BEST1: variants seen among roughly 807,000 people sequenced by gnomAD.
BEST1 encodes the protein bestrophin 1.
Under a neutral mutation model 63.3 loss-of-function variants are expected in BEST1, and 58 were observed. The ratio of observed to expected loss-of-function variants is 0.92; its 90% CI spans 0.74 to 1.14. The LOEUF (loss-of-function observed/expected upper bound fraction) is 1.14, where lower values mean the gene tolerates loss of function less well. Among genes scored for constraint, BEST1 ranks in the 50% most tolerant of loss-of-function variants. The pLI, the probability that BEST1 is intolerant of heterozygous loss-of-function variation, is 0.00. For missense variants in BEST1, 671 were observed against 740.1 expected, an observed-to-expected ratio of 0.91 and a Z score of 1.08; for synonymous variants, 283 against 291.6, an observed-to-expected ratio of 0.97 and a Z score of 0.30.
In BEST1 at chr11:61,958,236, C is replaced by G. The variant is rs866989280; in HGVS notation, c.805C>G (p.Leu269Val). 1 of 1,614,230 alleles carries G rather than the reference C, an allele frequency of 6.2e-7. No homozygotes were observed. The highest frequency in any genetic ancestry group is 1.1e-5 in the South Asian group (1 of 91,090). Residue 269 changes from leucine to valine, a missense_variant, in exon 7 of 11, where the codon CTG (leucine) becomes GTG (valine). Transcript: ENST00000378043. ...NPAKAYPGHE[L>V]DLVVPVFTFL... ...AGCCAAGGCCTACCCTGGCCATGAG[C>G]TGGACCTCGTTGTGCCCGTCTTCAC...
In BEST1 at chr11:61,964,121, A is replaced by C. The variant is rs757459959; in HGVS notation, c.1757A>C (p.Ter586SerextTer4). The change falls in exon 11 of 11, where the codon TAA becomes TCA. Residue 586 changes from the stop codon to serine (S), a stop_lost. Transcript: ENST00000378043. ...ALENRDEAHS[*>S] is the part of the protein sequence containing the mutation. The stretch of plus-strand genomic sequence containing the variant: ...CTCACTAGGGATGAAGCACATTCCT[A>C]ACCTGCTTCCTAATGGGGATGCTTC... The C allele has an allele frequency of 1.2e-6, 2 of 1,614,080 alleles. No homozygotes were observed. The highest frequency in any genetic ancestry group is 1.7e-5 in the Admixed American group (1 of 60,028).
Sources: allele counts gnomAD v4.1 joint callset, GRCh38; gene constraint gnomAD v4.1.1; transcripts MANE v1.5; gene names NCBI Gene and HGNC (gene_info 2026-07-23, HGNC 2026-07-21).